The following SLC7A11 variants were observed in gnomAD, a reference collection of about 807,000 sequenced individuals.
SLC7A11 encodes the protein solute carrier family 7 member 11, also known as cystine/glutamate transporter.
In SLC7A11, 35 loss-of-function variants were observed where a neutral mutation model predicts 54.5. The ratio of observed to expected loss-of-function variants is 0.64; its 90% CI spans 0.49 to 0.85. The LOEUF is 0.85. Ranked by LOEUF, SLC7A11 falls within the 40% of genes least tolerant of loss-of-function variation. SLC7A11 has a pLI of 0.00. For synonymous variants in SLC7A11, 230 were observed against 225.2 expected (o/e 1.02, Z -0.19); for missense variants, 583 against 618.1 (o/e 0.94, Z 0.60).
intron 6 of SLC7A11, among the ~76,000 whole-genome samples, chr4:138,195,072 G>A (rs1311502317): frequency 3.9e-5 from 6 of 152,234 alleles, no homozygotes; most frequent in African/African-American, 1.4e-4. Context: ...CAGCAGTACA[G>A]CACATCAAAG....
intron 6 of SLC7A11, among the ~76,000 whole-genome samples, chr4:138,191,019 A>G (rs1269653678): frequency 3.9e-5 from 6 of 152,186 alleles, no homozygotes; most frequent in Admixed American, 1.3e-4. Flanking sequence ...TAAAAACATT[A>G]TAAATGAAAT....
chr4:138,184,140 C>G (rs1315897748), intron 7 of SLC7A11, among the ~76,000 whole-genome samples: 3 of 152,074 alleles, frequency 2.0e-5, no homozygotes, highest in African/African-American at 7.2e-5. Context: ...ATAAGTGCTG[C>G]CCTTTGTCTC....
intron 6 of SLC7A11, among the ~76,000 whole-genome samples, chr4:138,198,404 A>G (rs961983084): frequency 1.3e-5 from 2 of 152,186 alleles, no homozygotes; most frequent in Non-Finnish European, 2.9e-5. Context: ...TGAATCACCA[A>G]TATTCATGCT....
rs986390258 is a variant in SLC7A11, at chr4:138,179,428, CAT to C, written c.1267-36_1267-35del. 20 of 1,585,486 alleles carry C rather than the reference CAT, an allele frequency of 1.3e-5. No homozygotes were observed. The African/African-American group carries it at 2.6e-4, about 20-fold the overall frequency. ...CAGAACACAAAAAAGTCACTTCAAA[CAT>C]GTTCAAGCAACAGAAGCTGGGTTTG... On this transcript the variant is annotated intron_variant, in intron 10 of 11. Transcript: ENST00000280612.
At chr4:138,213,674 C>T (rs1737609585) in intron 6 of SLC7A11, among the ~76,000 whole-genome samples, 1 of 151,774 alleles carries the variant, frequency 6.6e-6, no homozygotes, top group South Asian at 2.1e-4. Flanking sequence ...TCCTTCTTTC[C>T]TTTTTGCCAA....
chr4:138,184,310 G>A (rs1736822514), intron 7 of SLC7A11, among the ~76,000 whole-genome samples: 1 of 152,100 alleles, frequency 6.6e-6, no homozygotes, highest in Non-Finnish European at 1.5e-5. Flanking sequence ...CTGATATGAG[G>A]TAATACTAAC....
chr4:138,223,336 T>C lies in SLC7A11; in HGVS notation c.521-12A>G, dbSNP rs1412874138. ...GACCATCACTACAGCTGCAAACAAA[T>C]AGAGGAAGTTACAAAAGGTGAATTC... On this transcript the variant is annotated splice_polypyrimidine_tract_variant and intron_variant, in intron 3 of 11. Coordinates refer to ENST00000280612, the MANE Select transcript of SLC7A11 (RefSeq NM_014331.4). 4.3e-6 allele frequency: 7 copies of C among 1,611,572 alleles called. No homozygotes were observed. The highest frequency in any genetic ancestry group is 4.0e-5 in the African/African-American group (3 of 74,892).
Position 138,170,177 on chromosome 4 carries a change from A to G in SLC7A11, c.*1779T>C, listed in dbSNP as rs1736373637. On this transcript the variant is annotated 3_prime_UTR_variant, in exon 12 of 12. Coordinates refer to ENST00000280612, the MANE Select transcript of SLC7A11 (RefSeq NM_014331.4). Reference sequence around the variant, plus strand: ...ATAAATAACAGTTCAAAATTTCATCATTATATTACTCTCATTTGTAAGTTC... The same window carrying G: ...ATAAATAACAGTTCAAAATTTCATCGTTATATTACTCTCATTTGTAAGTTC... The G allele has an allele frequency of 7.4e-6, 1 of 134,942 alleles. No individual in the cohort carries two copies. The highest frequency in any genetic ancestry group is 1.6e-5 in the Non-Finnish European group (1 of 63,892). 8.4% of individuals were successfully genotyped at this position (134,942 alleles called of 1,614,324 possible).
At chr4:138,179,609 T>A (rs1394545675) in intron 10 of SLC7A11, among the ~76,000 whole-genome samples, 3 of 152,162 alleles carry the variant, frequency 2.0e-5, no homozygotes, top group Non-Finnish European at 4.4e-5. Context: ...CAACTTAATT[T>A]AAATTGTTTT....
intron 2 of SLC7A11, among the ~76,000 whole-genome samples, chr4:138,234,500 A>G (rs1738157462): frequency 6.6e-6 from 1 of 152,216 alleles, no homozygotes; most frequent in Non-Finnish European, 1.5e-5. Context: ...ACATATTTTA[A>G]AAGCTTCTAG....
intron 10 of SLC7A11, 68 bp from the exon 11 acceptor site, chr4:138,179,462 G>C: frequency 1.5e-6 from 2 of 1,368,530 alleles, no homozygotes; most frequent in Non-Finnish European, 2.1e-6. Flanking sequence ...TTTGAGATGA[G>C]CGTGTCAGTC....
intron 6 of SLC7A11, among the ~76,000 whole-genome samples, chr4:138,211,294 GC>G (rs1424325440): frequency 6.6e-6 from 1 of 151,752 alleles, no homozygotes; most frequent in Non-Finnish European, 1.5e-5. Context: ...TGGGTACTAT[GC>G]CCCATACCCA....
chr4:138,240,944 T>C (rs181227077), intron 1 of SLC7A11, among the ~76,000 whole-genome samples: 1 of 152,280 alleles, frequency 6.6e-6, no homozygotes, highest in African/African-American at 2.4e-5. Flanking sequence ...CTCAGATCAA[T>C]AGAAGAGACA....
At chr4:138,204,068 T>A (rs1476418710) in intron 6 of SLC7A11, among the ~76,000 whole-genome samples, 2 of 152,074 alleles carry the variant, frequency 1.3e-5, no homozygotes, top group African/African-American at 4.8e-5. Flanking sequence ...GTTCTACTCT[T>A]CTAGGTTCTA....
intron 6 of SLC7A11, among the ~76,000 whole-genome samples, chr4:138,209,911 A>G (rs1008938636): frequency 3.3e-5 from 5 of 152,060 alleles, no homozygotes; most frequent in Admixed American, 2.6e-4. Context: ...TGCATATGAA[A>G]CCAAAAAAGA....
At chr4:138,237,737 A>ATTTTTTTTTTT (rs1169641615) in intron 1 of SLC7A11, among the ~76,000 whole-genome samples, 2 of 9,828 alleles carry the variant, frequency 2.0e-4, no homozygotes, top group African/African-American at 3.9e-4. Flanking sequence ...ATATATATAT[A>ATTTTTTTTTTT]TTTTTTTTTT....
intron 6 of SLC7A11, among the ~76,000 whole-genome samples, chr4:138,208,534 A>G (rs1456256654): frequency 1.8e-5 from 1 of 55,256 alleles, no homozygotes; most frequent in Non-Finnish European, 5.6e-5. Flanking sequence ...AGTCACCACA[A>G]AAGTCATGTC....
At chr4:138,207,180 TA>T (rs1244803893) in intron 6 of SLC7A11, among the ~76,000 whole-genome samples, 5 of 151,978 alleles carry the variant, frequency 3.3e-5, no homozygotes, top group Non-Finnish European at 7.4e-5. Flanking sequence ...ATACATATCT[TA>T]AAAACATATA....
Position 138,180,721 on chromosome 4 carries a change from T to C in SLC7A11, c.1186A>G (p.Arg396Gly). 1 of 1,612,976 alleles carries C rather than the reference T, an allele frequency of 6.2e-7. No homozygotes were observed. Among genetic ancestry groups the C allele is most frequent in the Non-Finnish European group, 8.5e-7 (1 of 1,179,428 alleles). The change falls in exon 10 of 12, where the codon AGG becomes GGG. Residue 396 changes from arginine to glycine, a missense_variant. Transcript: ENST00000280612. Reference sequence around the variant, plus strand: ...ACTGCCAGCCCAATAAAAAGCCACCTGGCAAAACTGAGGAAATTCAAAAGA... The same window carrying C: ...ACTGCCAGCCCAATAAAAAGCCACCCGGCAAAACTGAGGAAATTCAAAAGA... ...DSLLNFLSFA[R>G]WLFIGLAVAG...
Sources: gnomAD v4.1 joint callset for allele counts (sites outside exome capture counted in the v4.1 genomes callset) on GRCh38, gnomAD v4.1.1 for gene constraint, MANE v1.5 for transcripts, NCBI Gene and HGNC (gene_info 2026-07-23, HGNC 2026-07-21) for gene names.